SOX5: variants seen among roughly 807,000 people sequenced by gnomAD.
The protein encoded by SOX5 is transcription factor SOX-5.
In SOX5, 9 loss-of-function variants were observed where a neutral mutation model predicts 92.0. That is an observed-to-expected ratio of 0.10 (90% CI 0.06 to 0.17). The LOEUF is 0.17. Ranked by LOEUF, SOX5 falls within the 10% of genes least tolerant of loss-of-function variation. SOX5 has a pLI of 1.00. For missense variants in SOX5, 642 were observed against 944.5 expected, an observed-to-expected ratio of 0.68 and a Z score of 4.20; for synonymous variants, 344 against 336.3, an observed-to-expected ratio of 1.02 and a Z score of -0.25.
chr12:23,923,161 G>T (rs999787585), intron 1 of SOX5, among the ~76,000 whole-genome samples: 2 of 152,058 alleles, frequency 1.3e-5, no homozygotes, highest in African/African-American at 2.4e-5. Context: ...TAGCCAGGAT[G>T]GTCTCAATCT....
At chr12:24,489,438 G>T (rs1035266749) in intron 1 of SOX5, among the ~76,000 whole-genome samples, 5 of 152,136 alleles carry the variant, frequency 3.3e-5, no homozygotes, top group African/African-American at 9.7e-5. Flanking sequence ...GGACTTGCGG[G>T]AGGCTGTTCA....
chr12:23,555,084 A>AAAT (rs1351679622), intron 11 of SOX5, among the ~76,000 whole-genome samples: 2 of 152,174 alleles, frequency 1.3e-5, no homozygotes, highest in Non-Finnish European at 2.9e-5. Context: ...AGAAATGTGG[A>AAAT]AATACATTTG....
intron 4 of SOX5, among the ~76,000 whole-genome samples, chr12:24,175,753 T>C (rs968376629): frequency 6.6e-6 from 1 of 152,196 alleles, no homozygotes; most frequent in Non-Finnish European, 1.5e-5. Context: ...CCAACTGCCT[T>C]AGACCAGAGT....
chr12:24,106,839 T>TAAA (rs1555511733), intron 4 of SOX5, among the ~76,000 whole-genome samples: 3 of 136,514 alleles, frequency 2.2e-5, no homozygotes, highest in African/African-American at 5.4e-5. Context: ...ATAATAATAA[T>TAAA]AAATAGAAGC....
intron 3 of SOX5, among the ~76,000 whole-genome samples, chr12:23,766,558 T>G (rs948142935): frequency 1.3e-5 from 2 of 152,160 alleles, no homozygotes; most frequent in African/African-American, 4.8e-5. Flanking sequence ...TATTAAAATA[T>G]GGATAAAAGC....
chr12:24,352,676 C>T (rs1350853603), intron 2 of SOX5, among the ~76,000 whole-genome samples: 2 of 152,170 alleles, frequency 1.3e-5, no homozygotes, highest in Non-Finnish European at 1.5e-5. Flanking sequence ...AGATCTTCAT[C>T]TTCTGTCCTC....
chr12:24,062,486 G>C (rs1012818693), intron 4 of SOX5, among the ~76,000 whole-genome samples: 6 of 152,172 alleles, frequency 3.9e-5, no homozygotes, highest in Non-Finnish European at 7.3e-5. Flanking sequence ...GACTGATGAA[G>C]GAATATATTA....
intron 1 of SOX5, among the ~76,000 whole-genome samples, chr12:23,904,135 A>G (rs918281327): frequency 1.3e-5 from 2 of 152,120 alleles, no homozygotes; most frequent in African/African-American, 2.4e-5. Context: ...TGAGCATTCC[A>G]TGTAAATTTT....
At chr12:23,773,727 A>G (rs1350434672) in intron 3 of SOX5, among the ~76,000 whole-genome samples, 1 of 152,136 alleles carries the variant, frequency 6.6e-6, no homozygotes, top group Non-Finnish European at 1.5e-5. Context: ...AGGAAAAAAA[A>G]AAATTGAGTT....
At chr12:24,060,107 C>T (rs1187091009) in intron 4 of SOX5, among the ~76,000 whole-genome samples, 1 of 152,166 alleles carries the variant, frequency 6.6e-6, no homozygotes, top group Non-Finnish European at 1.5e-5. Flanking sequence ...TGATTTGTAT[C>T]ATACTTTTAT....
At chr12:23,924,054 C>A (rs1939245345) in intron 1 of SOX5, among the ~76,000 whole-genome samples, 1 of 152,148 alleles carries the variant, frequency 6.6e-6, no homozygotes, top group African/African-American at 2.4e-5. Flanking sequence ...TTTTGTCATA[C>A]CTTTTCCACA....
intron 5 of SOX5, among the ~76,000 whole-genome samples, chr12:23,740,006 G>A (rs941786149): frequency 3.3e-5 from 5 of 152,060 alleles, no homozygotes; most frequent in African/African-American, 4.8e-5. Context: ...AGTTAGTACA[G>A]TGCCCGGCAC....
At chr12:24,139,596 G>A (rs1381895494) in intron 4 of SOX5, among the ~76,000 whole-genome samples, 1 of 152,142 alleles carries the variant, frequency 6.6e-6, no homozygotes, top group African/African-American at 2.4e-5. Context: ...TTTTTTGTTT[G>A]TTGGTTTTGC....
chr12:24,473,222 C>G (rs1944989139), intron 1 of SOX5, among the ~76,000 whole-genome samples: 1 of 151,980 alleles, frequency 6.6e-6, no homozygotes, highest in Admixed American at 6.6e-5. Flanking sequence ...CAACGCTGTA[C>G]TGGTAAATGT....
chr12:23,941,937 A>AT (rs1447568571), intron 1 of SOX5, among the ~76,000 whole-genome samples: 2 of 121,990 alleles, frequency 1.6e-5, no homozygotes, highest in African/African-American at 6.0e-5. Flanking sequence ...TCACTAGCTA[A>AT]TAAAAAAAAA....
intron 4 of SOX5, among the ~76,000 whole-genome samples, chr12:24,084,019 T>C (rs1247873376): frequency 6.6e-6 from 1 of 151,966 alleles, no homozygotes; most frequent in East Asian, 1.9e-4. Context: ...CTGGTGTTTC[T>C]GCAGTGCAAG....
chr12:23,949,881 G>C (rs987444504), upstream of SOX5, among the ~76,000 whole-genome samples: 5 of 148,322 alleles, frequency 3.4e-5, no homozygotes, highest in Non-Finnish European at 5.9e-5. Flanking sequence ...AGCGGAGTCT[G>C]GCTGCTCCCC....
intron 4 of SOX5, among the ~76,000 whole-genome samples, chr12:24,003,262 G>C (rs1951799281): frequency 6.6e-6 from 1 of 152,030 alleles, no homozygotes; most frequent in East Asian, 1.9e-4. Flanking sequence ...AAGGCTGTTT[G>C]CTCGCATGAT....
At chr12:24,293,719 TG>T (rs1946872434) in intron 2 of SOX5, among the ~76,000 whole-genome samples, 1 of 152,246 alleles carries the variant, frequency 6.6e-6, no homozygotes, top group Admixed American at 6.5e-5. Context: ...TTTCCATTTT[TG>T]TTATCACTTT....
Sources: allele counts gnomAD v4.1 joint callset (sites outside exome capture counted in the v4.1 genomes callset), GRCh38; gene constraint gnomAD v4.1.1; transcripts MANE v1.5; gene names NCBI Gene and HGNC (gene_info 2026-07-23, HGNC 2026-07-21).